Variants in DLG5 observed in about 807,000 individuals in gnomAD.
DLG5 encodes the protein disks large homolog 5.
A neutral mutation model predicts 189.8 loss-of-function variants in DLG5; 48 were observed. The ratio of observed to expected loss-of-function variants is 0.25; its 90% confidence interval spans 0.20 to 0.32. The LOEUF (loss-of-function observed/expected upper bound fraction) is 0.32. DLG5 is among the 10% of genes least tolerant of loss of function. The pLI, the probability that DLG5 is intolerant of heterozygous loss-of-function variation, is 1.00. For missense variants in DLG5, 2,160 were observed against 2,544.7 expected (o/e 0.85, Z 3.25); for synonymous variants, 1,016 against 1,054.1 (o/e 0.96, Z 0.70).
chr10:77,926,864 C>T (rs1339592686), upstream of DLG5: 11 of 302,636 alleles, frequency 3.6e-5, no homozygotes, highest in Admixed American at 7.0e-5. The surrounding 1 kb of genome is among the most constrained non-coding windows in gnomAD (Gnocchi z 5.2). Flanking sequence ...CCCCCTCCCC[C>T]TCAGCCTCCG....
intron 16 of DLG5, 108 bp downstream of exon 16, chr10:77,819,787 C>CT: frequency 6.8e-7 from 1 of 1,479,834 alleles, no homozygotes; most frequent in Non-Finnish European, 8.9e-7. Context: ...GACCTCAGGG[C>CT]TGAAAACACA....
intron 1 of DLG5, among the ~76,000 whole-genome samples, chr10:77,918,213 C>T (rs1846425915): frequency 1.3e-5 from 2 of 152,056 alleles, no homozygotes; most frequent in Admixed American, 1.3e-4. Flanking sequence ...GAGTTCAAGA[C>T]CAGCCTGGCC....
At chr10:77,919,201 G>C (rs1325707537) in intron 1 of DLG5, among the ~76,000 whole-genome samples, 1 of 151,954 alleles carries the variant, frequency 6.6e-6, no homozygotes, top group Non-Finnish European at 1.5e-5. Context: ...GGGCGACAGA[G>C]CAAGGCTCCA....
chr10:77,933,189 C>T, the DLG5 span, among the ~76,000 whole-genome samples: 1 of 152,176 alleles, frequency 6.6e-6, no homozygotes, highest in Non-Finnish European at 1.5e-5. Flanking sequence ...GTCTCTGCTA[C>T]ATGCTCTCAT....
chr10:77,854,317 C>T lies in DLG5; in HGVS notation c.590G>A (p.Arg197Gln), dbSNP rs1844123688. The change falls in exon 4 of 32, where the codon CGA becomes CAA. Residue 197 changes from arginine (R) to glutamine (Q), a missense_variant. Arg to Gln is a conservative substitution (Grantham distance 43). This residue lies in a region of DLG5 where 664 missense variants were observed against 838.5 expected (regional missense o/e 0.79). Coordinates refer to ENST00000372391, the MANE Select transcript of DLG5 (RefSeq NM_004747.4). ...CAGGCTCTGCAGGTCCGACATGGCT[C>T]GCACGCACTGGATCTTCAGCCTCTC... ...DYERLKIQCVRAMSDLQSLQN... is the reference protein window; with the variant it reads ...DYERLKIQCVQAMSDLQSLQN... 10 of 1,614,046 alleles carry T rather than the reference C, an allele frequency of 6.2e-6. No homozygotes were observed. Among genetic ancestry groups the T allele is most frequent in the Non-Finnish European group, 8.5e-6 (10 of 1,180,056 alleles).
At chr10:77,805,915 C>A in intron 26 of DLG5, 54 bp from the exon 27 acceptor site, 1 of 1,509,734 alleles carries the variant, frequency 6.6e-7, no homozygotes. Context: ...GCTGCCCTGC[C>A]CTTCCTGCCC....
intron 1 of DLG5, among the ~76,000 whole-genome samples, chr10:77,875,665 T>C (rs1845062668): frequency 6.6e-6 from 1 of 151,892 alleles, no homozygotes; most frequent in African/African-American, 2.4e-5. Context: ...AGTTGCGGAG[T>C]GCTATCACCT....
At chr10:77,876,683 G>GAGGAAGGA (rs1425780887) in intron 1 of DLG5, among the ~76,000 whole-genome samples, 10 of 97,356 alleles carry the variant, frequency 1.0e-4, no homozygotes, top group African/African-American at 2.2e-4. Context: ...TTTTTTCTAA[G>GAGGAAGGA]AGGAAGGAAG....
At chr10:77,879,241 A>C (rs535633045) in intron 1 of DLG5, among the ~76,000 whole-genome samples, 2 of 151,976 alleles carry the variant, frequency 1.3e-5, no homozygotes, top group African/African-American at 4.8e-5. Flanking sequence ...GTGCCAGAGG[A>C]GGGAATAGCA....
chr10:77,934,860 G>GT, the DLG5 span, among the ~76,000 whole-genome samples: 570 of 137,312 alleles, frequency 4.2e-3, 3 homozygotes, highest in African/African-American at 5.0e-3. Context: ...TTGTTTTTTT[G>GT]TTTTTTTTTT....
rs771956747 is a variant in DLG5 at position 77,807,761 on chromosome 10, T to C, written c.4796+35A>G. ...CTCCAGTGAAAGCCTCTCCTCTGGT[T>C]CCAAATCTCCCACCGATTCCCCAGC... On this transcript the variant is annotated intron_variant, in intron 25 of 31. Transcript: ENST00000372391. 5.0e-6 allele frequency: 8 copies of C among 1,604,432 alleles called. No homozygotes were observed. In the East Asian group the frequency reaches 1.8e-4, roughly 36 times the overall value.
At chr10:77,907,310 G>C (rs948162466) in intron 1 of DLG5, among the ~76,000 whole-genome samples, 2 of 152,204 alleles carry the variant, frequency 1.3e-5, no homozygotes, top group Non-Finnish European at 2.9e-5. Flanking sequence ...CCGGCGCGGT[G>C]ACTCATGCCT....
intron 30 of DLG5, 88 bp downstream of exon 30, chr10:77,794,761 C>A: frequency 9.9e-7 from 1 of 1,009,646 alleles, no homozygotes; most frequent in South Asian, 1.4e-5. Flanking sequence ...TCCTCAACCC[C>A]CCACCCCAAC....
chr10:77,896,250 G>A (rs1310106776), intron 1 of DLG5, among the ~76,000 whole-genome samples: 4 of 152,096 alleles, frequency 2.6e-5, no homozygotes, highest in East Asian at 1.9e-4. Flanking sequence ...CTAGTATAAC[G>A]TTAGCATAAC....
rs1208256587 is a variant in DLG5 at position 77,821,319 on chromosome 10, C to T, written c.3165G>A (p.Val1055=). ...TSPPSALPPD[V]DPGEPMHASP... Reference sequence around the variant, plus strand: ...ATGCGTGCATGGGCTCCCCGGGGTCCACGTCAGGGGGCAGGGCGCTCGGGG... The same window carrying T: ...ATGCGTGCATGGGCTCCCCGGGGTCTACGTCAGGGGGCAGGGCGCTCGGGG... Residue 1055 remains valine, a synonymous_variant, in exon 15 of 32, where the codon GTG becomes GTA. Coordinates refer to ENST00000372391, the MANE Select transcript of DLG5 (RefSeq NM_004747.4). The T allele has an allele frequency of 1.9e-6, 3 of 1,613,364 alleles. No individual in the cohort carries two copies. The highest frequency in any genetic ancestry group is 2.2e-5 in the South Asian group (2 of 91,084).
chr10:77,846,415 C>G (rs922346029), intron 5 of DLG5, among the ~76,000 whole-genome samples: 1 of 152,074 alleles, frequency 6.6e-6, no homozygotes, highest in Non-Finnish European at 1.5e-5. Context: ...AAAATTACTT[C>G]AGGCCGGGCG....
At chr10:77,806,632 TA>T in intron 26 of DLG5, 125 bp downstream of exon 26, 1 of 1,310,714 alleles carries the variant, frequency 7.6e-7, no homozygotes, top group Non-Finnish European at 1.1e-6. Flanking sequence ...GAGCAGAAGC[TA>T]AGATAAGAAG....
At chr10:77,873,352 T>A (rs936961982) in intron 1 of DLG5, among the ~76,000 whole-genome samples, 8 of 151,992 alleles carry the variant, frequency 5.3e-5, no homozygotes, top group African/African-American at 1.9e-4. Context: ...AGTCCACAGG[T>A]GGGATGCACA....
At chr10:77,828,101 G>A (rs906539326) in intron 13 of DLG5, among the ~76,000 whole-genome samples, 3 of 151,990 alleles carry the variant, frequency 2.0e-5, no homozygotes, top group Non-Finnish European at 4.4e-5. Context: ...AAAAGGGGTG[G>A]CATTTAAAAG....
Sources: allele counts gnomAD v4.1 joint callset (sites outside exome capture counted in the v4.1 genomes callset), GRCh38; gene constraint gnomAD v4.1.1; regional missense constraint gnomAD v4.1.1; non-coding constraint Gnocchi (gnomAD v3.1); transcripts MANE v1.5; gene names NCBI Gene and HGNC (gene_info 2026-07-23, HGNC 2026-07-21).